Variants in SDK1 observed in about 807,000 individuals in gnomAD.
SDK1 encodes sidekick cell adhesion molecule 1.
A neutral mutation model predicts 245.5 loss-of-function variants in SDK1; 157 were observed. The ratio of observed to expected loss-of-function variants is 0.64; its 90% CI spans 0.56 to 0.73. The LOEUF is 0.73. Among genes scored for constraint, SDK1 ranks in the 30% least tolerant of loss-of-function variants. The pLI, the probability that SDK1 is intolerant of heterozygous loss-of-function variation, is 0.00. For missense variants in SDK1, 3,583 were observed against 3,002.3 expected (o/e 1.19, Z -4.52); for synonymous variants, 1,647 against 1,278.5 (o/e 1.29, Z -6.15).
chr7:3,365,401 T>G (rs1188513861), intron 1 of SDK1, among the ~76,000 whole-genome samples: 3 of 152,186 alleles, frequency 2.0e-5, no homozygotes, highest in African/African-American at 7.2e-5. Flanking sequence ...GGCCATTACT[T>G]CAGAACTCTT....
chr7:3,647,571 C>T (rs1261586829), intron 4 of SDK1, among the ~76,000 whole-genome samples: 3 of 152,108 alleles, frequency 2.0e-5, no homozygotes, highest in Non-Finnish European at 2.9e-5. Context: ...GGATTACAGG[C>T]GTGCGCCACT....
At chr7:3,628,328 A>C (rs905065664) in intron 2 of SDK1, among the ~76,000 whole-genome samples, 1 of 152,160 alleles carries the variant, frequency 6.6e-6, no homozygotes, top group African/African-American at 2.4e-5. Context: ...TAGAGTATAT[A>C]TATATGTATA....
At chr7:3,680,587 A>G (rs1784070106) in intron 4 of SDK1, among the ~76,000 whole-genome samples, 3 of 152,180 alleles carry the variant, frequency 2.0e-5, no homozygotes, top group Admixed American at 2.0e-4. Flanking sequence ...GATGAAGAGT[A>G]CATAAGACCT....
At chr7:3,600,630 C>T (rs1252961528) in intron 1 of SDK1, among the ~76,000 whole-genome samples, 1 of 140,920 alleles carries the variant, frequency 7.1e-6, no homozygotes, top group Non-Finnish European at 1.5e-5. Context: ...TCTTGGCTTA[C>T]TGCAAGCTCC....
intron 1 of SDK1, among the ~76,000 whole-genome samples, chr7:3,603,614 CAT>C (rs1562595364): frequency 6.6e-6 from 1 of 152,130 alleles, no homozygotes. Flanking sequence ...GATATACAAT[CAT>C]GTCGTCTGCA....
chr7:3,574,737 A>G (rs917122481), intron 1 of SDK1, among the ~76,000 whole-genome samples: 4 of 152,068 alleles, frequency 2.6e-5, no homozygotes, highest in Admixed American at 6.6e-5. Context: ...TAGAAGGAAA[A>G]CATTTCATTT....
At chr7:3,543,469 G>C (rs1260027022) in intron 1 of SDK1, among the ~76,000 whole-genome samples, 1 of 152,224 alleles carries the variant, frequency 6.6e-6, no homozygotes, top group Admixed American at 6.5e-5. Flanking sequence ...AGGTGAGTGG[G>C]AGAGACTGCC....
At chr7:3,650,885 C>T (rs1047562060) in intron 4 of SDK1, among the ~76,000 whole-genome samples, 1 of 150,122 alleles carries the variant, frequency 6.7e-6, no homozygotes, top group Non-Finnish European at 1.5e-5. Context: ...TTGTCTGAAG[C>T]CTAGTTGGTT....
Position 3,301,619 on chromosome 7 carries a change from TGGC to T in SDK1, c.47_49del (p.Gly16del), listed in dbSNP as rs957787144. ...GGGGCGCCCGGCCCTCGGCGGCCGG[TGGC>T]GGCGGCGGCGGCGCGGAGCCCCCTG... On this transcript the variant is annotated inframe_deletion, in exon 1 of 45. Transcript: ENST00000404826. 5.4e-5 allele frequency: 52 copies of T among 967,672 alleles called. No individual in the cohort carries two copies. Among genetic ancestry groups the T allele is most frequent in the South Asian group, 9.5e-5 (2 of 21,098 alleles). The allele number at this position is 967,672 out of a possible 1,614,324, so 59.9% of individuals were successfully genotyped here. A position where few individuals can be genotyped will look rare whatever the true frequency, so the allele number is the denominator to read the frequency against.
At chr7:3,401,262 C>T (rs1778880106) in intron 1 of SDK1, among the ~76,000 whole-genome samples, 1 of 152,104 alleles carries the variant, frequency 6.6e-6, no homozygotes. Context: ...CACAGAATTC[C>T]AATCAAGATG....
At chr7:3,972,667 G>A (rs1275393344) in intron 12 of SDK1, among the ~76,000 whole-genome samples, 1 of 152,234 alleles carries the variant, frequency 6.6e-6, no homozygotes, top group Non-Finnish European at 1.5e-5. Context: ...ATGCCCTGCT[G>A]CTTTCTGGGG....
At chr7:3,545,823 T>A (rs1326266077) in intron 1 of SDK1, among the ~76,000 whole-genome samples, 1 of 152,214 alleles carries the variant, frequency 6.6e-6, no homozygotes, top group East Asian at 1.9e-4. Context: ...TACTTTGAAA[T>A]CTGAAAAGTG....
At chr7:3,517,726 G>A (rs558597785) in intron 1 of SDK1, among the ~76,000 whole-genome samples, 2 of 152,026 alleles carry the variant, frequency 1.3e-5, no homozygotes, top group Non-Finnish European at 2.9e-5. Flanking sequence ...TCATCTGTTC[G>A]CCTTGAATTG....
At chr7:3,707,691 T>TTAGGTCTAA (rs2115014969) in intron 4 of SDK1, among the ~76,000 whole-genome samples, 1 of 152,332 alleles carries the variant, frequency 6.6e-6, no homozygotes, top group African/African-American at 2.4e-5. Flanking sequence ...ATCTCATCTC[T>TTAGGTCTAA]TAGGTCTAAT....
chr7:3,321,833 T>TTCC lies in SDK1; in HGVS notation c.298+19950_298+19951insCCT, dbSNP rs1417856290. On this transcript the variant is annotated intron_variant, in intron 1 of 44. Coordinates refer to ENST00000404826, the MANE Select transcript of SDK1 (RefSeq NM_152744.4). ...CCTTCCTTCCTTCCTTCCTTCCTCCTTTTCTCTCTCTCTCTCTCTCTTTCT... is the reference window on the plus strand; with the variant it reads ...CCTTCCTTCCTTCCTTCCTTCCTCCTTCCTTTCTCTCTCTCTCTCTCTCTTTCT... Among the ~76,000 whole-genome samples, 28 of 103,684 alleles carry TTCC rather than the reference T, an allele frequency of 2.7e-4. 2 individuals carry two copies. The highest frequency in any genetic ancestry group is 1.1e-3 in the African/African-American group (28 of 26,082). 68.0% of individuals were successfully genotyped at this position (103,684 alleles called of 152,430 possible).
At chr7:3,446,482 C>T (rs1488529919) in intron 1 of SDK1, among the ~76,000 whole-genome samples, 1 of 152,066 alleles carries the variant, frequency 6.6e-6, no homozygotes, top group Non-Finnish European at 1.5e-5. Flanking sequence ...TCTGCCAGTC[C>T]TTTCTTTGAC....
chr7:3,727,328 G>C (rs992385861), intron 4 of SDK1, among the ~76,000 whole-genome samples: 6 of 152,112 alleles, frequency 3.9e-5, no homozygotes, highest in Non-Finnish European at 8.8e-5. Flanking sequence ...CCCCTTAATA[G>C]GAAGTGGTTT....
At chr7:3,721,502 GT>G (rs1778799766) in intron 4 of SDK1, among the ~76,000 whole-genome samples, 1 of 152,246 alleles carries the variant, frequency 6.6e-6, no homozygotes, top group Non-Finnish European at 1.5e-5. Flanking sequence ...GGCTTTCACA[GT>G]ACAGCGTAGG....
chr7:3,529,710 A>G (rs1783276073), intron 1 of SDK1, among the ~76,000 whole-genome samples: 1 of 152,120 alleles, frequency 6.6e-6, no homozygotes, highest in South Asian at 2.1e-4. Context: ...TTGATGAGAA[A>G]CAGAATATTG....
Sources: gnomAD v4.1 joint callset for allele counts (sites outside exome capture counted in the v4.1 genomes callset) on GRCh38, gnomAD v4.1.1 for gene constraint, MANE v1.5 for transcripts, NCBI Gene and HGNC (gene_info 2026-07-23, HGNC 2026-07-21) for gene names.